MCPH1: variants seen among roughly 807,000 people sequenced by gnomAD.
MCPH1 encodes microcephalin 1.
A neutral mutation model predicts 84.5 loss-of-function variants in MCPH1; 104 were observed. The ratio of observed to expected loss-of-function variants is 1.23; its 90% CI spans 1.05 to 1.45. The LOEUF (loss-of-function observed/expected upper bound fraction) is 1.45, where lower values mean the gene tolerates loss of function less well. Among genes scored for constraint, MCPH1 ranks in the 40% most tolerant of loss-of-function variants. The pLI, the probability that MCPH1 is intolerant of heterozygous loss-of-function variation, is 0.00. For synonymous variants in MCPH1, 514 were observed against 366.8 expected (o/e 1.40, Z -4.58); for missense variants, 1,498 against 1,005.7 (o/e 1.49, Z -6.62).
At chr8:6,428,323 A>C (rs532574122) in intron 3 of MCPH1, among the ~76,000 whole-genome samples, 5 of 152,298 alleles carry the variant, frequency 3.3e-5, no homozygotes, top group Non-Finnish European at 5.9e-5. Context: ...TAGGAACATC[A>C]GTATGTCGCT....
chr8:6,615,382 G>C (rs1830692719), intron 12 of MCPH1, among the ~76,000 whole-genome samples: 1 of 152,196 alleles, frequency 6.6e-6, no homozygotes, highest in Admixed American at 6.5e-5. Context: ...TGCATCCTCA[G>C]AACTTAGCCT....
At chr8:6,494,493 G>A (rs1178184380) in intron 11 of MCPH1, 1 of 152,126 alleles carries the variant, frequency 6.6e-6, no homozygotes, top group Non-Finnish European at 1.5e-5. Flanking sequence ...GTAAAAGAAT[G>A]GAAAGATCAC....
At chr8:6,418,152 T>C (rs1799589597) in intron 3 of MCPH1, among the ~76,000 whole-genome samples, 1 of 152,100 alleles carries the variant, frequency 6.6e-6, no homozygotes, top group Admixed American at 6.5e-5. Context: ...CTTACCTCAT[T>C]TCTCTAGTAG....
intron 13 of MCPH1, chr8:6,626,698 C>T (rs1408629537): frequency 4.1e-6 from 4 of 985,040 alleles, no homozygotes; most frequent in East Asian, 1.1e-4. Flanking sequence ...AGTCACGAAA[C>T]GAAGACCCTG....
At chr8:6,408,785 A>G (rs1798110005) in intron 1 of MCPH1, among the ~76,000 whole-genome samples, 2 of 151,776 alleles carry the variant, frequency 1.3e-5, no homozygotes, top group African/African-American at 4.8e-5. Context: ...CTGGTCTCAA[A>G]CTTCTGTGCC....
intron 12 of MCPH1, chr8:6,514,618 C>A: frequency 6.7e-7 from 1 of 1,481,854 alleles, no homozygotes; most frequent in Non-Finnish European, 9.4e-7. Context: ...TTCCGCAGAT[C>A]TTGAAAGCTA....
At chr8:6,568,505 C>G (rs1024397231) in intron 12 of MCPH1, among the ~76,000 whole-genome samples, 8 of 152,200 alleles carry the variant, frequency 5.3e-5, no homozygotes, top group African/African-American at 1.9e-4. Flanking sequence ...GTTTAATGCT[C>G]AGCATTTATC....
intron 2 of MCPH1, among the ~76,000 whole-genome samples, 180 bp downstream of exon 2, chr8:6,409,550 A>T (rs551768570): frequency 6.6e-6 from 1 of 152,178 alleles, no homozygotes; most frequent in African/African-American, 2.4e-5. Context: ...TCAGAACTCA[A>T]TGCCTGTGGG....
intron 13 of MCPH1, among the ~76,000 whole-genome samples, chr8:6,640,208 G>C (rs2129583777): frequency 6.6e-6 from 1 of 151,984 alleles, no homozygotes; most frequent in Admixed American, 6.5e-5. Context: ...CCGAGCCCAG[G>C]CTCATGAAGA....
At chr8:6,578,722 C>T (rs1827311090) in intron 12 of MCPH1, among the ~76,000 whole-genome samples, 1 of 152,186 alleles carries the variant, frequency 6.6e-6, no homozygotes, top group Admixed American at 6.5e-5. Context: ...AACACAGGCT[C>T]ATTACAGGTC....
At chr8:6,561,661 G>C (rs559725415) in intron 12 of MCPH1, among the ~76,000 whole-genome samples, 1 of 152,142 alleles carries the variant, frequency 6.6e-6, no homozygotes, top group Non-Finnish European at 1.5e-5. Flanking sequence ...GCATCATCAT[G>C]CTACTTAACA....
intron 4 of MCPH1, among the ~76,000 whole-genome samples, chr8:6,433,729 G>T (rs1422619295): frequency 6.7e-6 from 1 of 148,846 alleles, no homozygotes; most frequent in Non-Finnish European, 1.5e-5. Context: ...AAGCATTAAT[G>T]ATTGCTTGTA....
At position 6,577,965 on chromosome 8, in the gene MCPH1, C is replaced by T. The variant is rs74368769; in HGVS notation, c.2215-43489C>T. Reference sequence around the variant, plus strand: ...TGTCTGTGGGGGTAGGTCCTCTTTGCTGTGTGCGATCCTGTGAGACAGCGG... The same window carrying T: ...TGTCTGTGGGGGTAGGTCCTCTTTGTTGTGTGCGATCCTGTGAGACAGCGG... On this transcript the variant is annotated intron_variant, in intron 12 of 13. Transcript: ENST00000344683. Among the ~76,000 whole-genome samples the T allele has an allele frequency of 3.8e-3, 579 of 152,292 alleles. 6 individuals carry two copies. The highest frequency in any genetic ancestry group is 0.013 in the African/African-American group (559 of 41,560).
At chr8:6,460,388 T>A (rs1806144918) in intron 9 of MCPH1, among the ~76,000 whole-genome samples, 1 of 152,088 alleles carries the variant, frequency 6.6e-6, no homozygotes, top group Non-Finnish European at 1.5e-5. Context: ...TTTTTTTAAT[T>A]ATTTTTTGTA....
chr8:6,628,512 A>G (rs2912063), intron 13 of MCPH1, among the ~76,000 whole-genome samples: 37,068 of 148,922 alleles, frequency 0.25, 4,820 homozygotes, highest in Non-Finnish European at 0.29. Flanking sequence ...AGCAGACCAA[A>G]AAAATCCTAG....
At chr8:6,632,270 C>T (rs1210812232) in intron 13 of MCPH1, among the ~76,000 whole-genome samples, 1 of 152,148 alleles carries the variant, frequency 6.6e-6, no homozygotes, top group African/African-American at 2.4e-5. Flanking sequence ...GTAGTGATGG[C>T]TGCACAGCAT....
intron 12 of MCPH1, among the ~76,000 whole-genome samples, chr8:6,545,379 A>C (rs575708545): frequency 2.6e-3 from 390 of 152,330 alleles, no homozygotes; most frequent in Non-Finnish European, 4.6e-3. Flanking sequence ...AAACTAAAAG[A>C]CATTTAGAAA....
intron 13 of MCPH1, among the ~76,000 whole-genome samples, chr8:6,621,944 T>C: frequency 6.6e-6 from 1 of 152,154 alleles, no homozygotes; most frequent in Middle Eastern, 3.2e-3. Context: ...CCCTGGCTCG[T>C]GTGAAAAATC....
At chr8:6,637,594 A>G (rs1474867510) in intron 13 of MCPH1, among the ~76,000 whole-genome samples, 1 of 152,174 alleles carries the variant, frequency 6.6e-6, no homozygotes, top group African/African-American at 2.4e-5. Context: ...GGATAAATGG[A>G]AGTCACAGAA....
Sources: gnomAD v4.1 joint callset for allele counts (sites outside exome capture counted in the v4.1 genomes callset) on GRCh38, gnomAD v4.1.1 for gene constraint, MANE v1.5 for transcripts, NCBI Gene and HGNC (gene_info 2026-07-23, HGNC 2026-07-21) for gene names.